Variants in PDE4D observed in about 807,000 individuals in gnomAD.
PDE4D encodes the protein phosphodiesterase 4D, also known as 3',5'-cyclic-AMP phosphodiesterase 4D.
A neutral mutation model predicts 87.4 loss-of-function variants in PDE4D; 24 were observed. That is an observed-to-expected ratio of 0.27 (90% CI 0.20 to 0.39). The LOEUF (loss-of-function observed/expected upper bound fraction) is 0.39. PDE4D is among the 10% of genes least tolerant of loss of function. The probability of loss-of-function intolerance (pLI) is 1.00; values close to 1 mark genes in which losing one functional copy is unlikely to be tolerated. For synonymous variants in PDE4D, 384 were observed against 383.2 expected (o/e 1.00, Z -0.02); for missense variants, 714 against 1,041.0 (o/e 0.69, Z 4.32).
At chr5:59,380,802 A>ATTTTT (rs5868179) in intron 1 of PDE4D, among the ~76,000 whole-genome samples, 1 of 151,246 alleles carries the variant, frequency 6.6e-6, no homozygotes, top group Non-Finnish European at 1.5e-5. Flanking sequence ...AGTTTACTTA[A>ATTTTT]TTTTTTTTTT....
chr5:60,278,865 G>C (rs1265709929), intron 1 of PDE4D, among the ~76,000 whole-genome samples: 2 of 152,012 alleles, frequency 1.3e-5, no homozygotes, highest in Non-Finnish European at 2.9e-5. Context: ...TAAAACTGTT[G>C]TCAAATAACT....
chr5:59,335,106 A>G (rs1471300651), intron 1 of PDE4D, among the ~76,000 whole-genome samples: 1 of 152,026 alleles, frequency 6.6e-6, no homozygotes, highest in South Asian at 2.1e-4. Flanking sequence ...GCATTTAATC[A>G]TGGGCTGATA....
intron 1 of PDE4D, among the ~76,000 whole-genome samples, chr5:59,566,668 A>G (rs73758805): frequency 0.012 from 1,835 of 152,042 alleles, 38 homozygotes; most frequent in African/African-American, 0.041. Context: ...GGCAAGAACC[A>G]TGTCTGATTT....
At chr5:59,064,878 G>C (rs1250670815) in intron 5 of PDE4D, among the ~76,000 whole-genome samples, 1 of 151,956 alleles carries the variant, frequency 6.6e-6, no homozygotes, top group Non-Finnish European at 1.5e-5. Flanking sequence ...AATGTCCAGA[G>C]GGTGCCCTAC....
chr5:59,931,892 G>A (rs1755988506), intron 3 of PDE4D, among the ~76,000 whole-genome samples: 1 of 151,926 alleles, frequency 6.6e-6, no homozygotes, highest in Non-Finnish European at 1.5e-5. Flanking sequence ...TAGCAGAGAT[G>A]GGGTTTCACC....
At chr5:59,357,968 C>T (rs549237050) in intron 1 of PDE4D, among the ~76,000 whole-genome samples, 1 of 152,260 alleles carries the variant, frequency 6.6e-6, no homozygotes, top group African/African-American at 2.4e-5. Flanking sequence ...GTGAATTTAA[C>T]CCTCTCTGAA....
chr5:59,831,395 C>T (rs1030726958), intron 1 of PDE4D, among the ~76,000 whole-genome samples: 1 of 149,446 alleles, frequency 6.7e-6, no homozygotes, highest in African/African-American at 2.5e-5. Context: ...GCTTGGTGGC[C>T]AAGAACAAGA....
intron 2 of PDE4D, among the ~76,000 whole-genome samples, chr5:60,166,526 T>C (rs1387840013): frequency 6.6e-6 from 1 of 152,246 alleles, no homozygotes; most frequent in African/African-American, 2.4e-5. Context: ...TTATTATTTT[T>C]ACTAATTTAG....
rs140007642 is a variant in PDE4D at position 59,349,728 on chromosome 5, G to T, written c.456-133760C>A. On this transcript the variant is annotated intron_variant, in intron 1 of 14. Coordinates refer to ENST00000340635, the MANE Select transcript of PDE4D (RefSeq NM_001104631.2). ...ACAGCATGATTATAAACCCTTGGCA[G>T]TTTGGAGTGTCTTTTCTTCTTTTGT... is the stretch of plus-strand genomic sequence containing the variant. 5.0e-3 allele frequency among the ~76,000 whole-genome samples: 758 copies of T among 152,226 alleles called. 6 individuals are homozygous for T. The highest frequency in any genetic ancestry group is 0.018 in the African/African-American group (734 of 41,534).
At chr5:59,971,577 A>T (rs953254582) in intron 3 of PDE4D, among the ~76,000 whole-genome samples, 1 of 151,974 alleles carries the variant, frequency 6.6e-6, no homozygotes, top group Non-Finnish European at 1.5e-5. Context: ...TTCAACAGTC[A>T]AAAGGGAATA....
At chr5:59,826,016 C>A (rs138568899) in intron 1 of PDE4D, among the ~76,000 whole-genome samples, 3 of 152,266 alleles carry the variant, frequency 2.0e-5, no homozygotes, top group South Asian at 2.1e-4. Context: ...AGGCTTGAAC[C>A]AAGGGATGTC....
At chr5:59,356,763 G>A in intron 1 of PDE4D, 2 of 1,573,036 alleles carry the variant, frequency 1.3e-6, no homozygotes, top group South Asian at 1.2e-5. Flanking sequence ...AATACCTGTA[G>A]GACTTTGAGA....
At chr5:59,995,285 C>T (rs1763415992) in intron 2 of PDE4D, among the ~76,000 whole-genome samples, 1 of 151,674 alleles carries the variant, frequency 6.6e-6, no homozygotes, top group African/African-American at 2.4e-5. Flanking sequence ...AGCTGCTATC[C>T]TTCAACCATT....
In PDE4D at chr5:59,245,615, C is replaced by T. The variant is rs561257919; in HGVS notation, c.456-29647G>A. On this transcript the variant is annotated intron_variant, in intron 1 of 14. Coordinates refer to ENST00000340635, the MANE Select transcript of PDE4D (RefSeq NM_001104631.2). Reference sequence around the variant, plus strand: ...TCTACTTATCATGTTGCTGTCAAACCCAGCCTCATAAAAACTTTACTTATA... The same window carrying T: ...TCTACTTATCATGTTGCTGTCAAACTCAGCCTCATAAAAACTTTACTTATA... Among the ~76,000 whole-genome samples, 59 of 152,132 alleles carry T rather than the reference C, an allele frequency of 3.9e-4. 1 individual carries two copies. The South Asian group carries it at 0.012, about 31-fold the overall frequency.
chr5:59,063,916 T>G (rs559885630), intron 5 of PDE4D, among the ~76,000 whole-genome samples: 1 of 152,160 alleles, frequency 6.6e-6, no homozygotes, highest in Non-Finnish European at 1.5e-5. Flanking sequence ...TTTAAACTGA[T>G]GAATATTGTA....
At chr5:59,235,867 T>G (rs2153519639) in intron 1 of PDE4D, among the ~76,000 whole-genome samples, 1 of 152,356 alleles carries the variant, frequency 6.6e-6, no homozygotes, top group East Asian at 1.9e-4. Flanking sequence ...AAATGTTTGT[T>G]AATACTTAGA....
intron 1 of PDE4D, among the ~76,000 whole-genome samples, chr5:59,796,866 A>C (rs1442868685): frequency 2.6e-5 from 4 of 152,150 alleles, no homozygotes; most frequent in African/African-American, 4.8e-5. Flanking sequence ...CTCAAACCCA[A>C]ACAAGTAGAA....
At chr5:60,129,807 TATAG>T (rs1390646102) in intron 2 of PDE4D, among the ~76,000 whole-genome samples, 1 of 152,196 alleles carries the variant, frequency 6.6e-6, no homozygotes, top group African/African-American at 2.4e-5. Flanking sequence ...TATTGTGTCA[TATAG>T]ATAATCAAAA....
intron 5 of PDE4D, among the ~76,000 whole-genome samples, chr5:59,077,579 T>G (rs1350806134): frequency 6.6e-6 from 1 of 151,744 alleles, no homozygotes; most frequent in Non-Finnish European, 1.5e-5. Flanking sequence ...AGGGATTCTC[T>G]GCATCAGCCC....
Sources: allele counts gnomAD v4.1 joint callset (sites outside exome capture counted in the v4.1 genomes callset), GRCh38; gene constraint gnomAD v4.1.1; transcripts MANE v1.5; gene names NCBI Gene and HGNC (gene_info 2026-07-23, HGNC 2026-07-21).